Variants in CUBN observed in about 807,000 individuals in gnomAD.
CUBN encodes the protein 460 kDa receptor.
In CUBN, 282 loss-of-function variants were observed where a neutral mutation model predicts 405.3. That is an observed-to-expected ratio of 0.70 (90% CI 0.63 to 0.77). The LOEUF (loss-of-function observed/expected upper bound fraction) is 0.77, where lower values mean the gene tolerates loss of function less well. Among genes scored for constraint, CUBN ranks in the 30% least tolerant of loss-of-function variants. The pLI, the probability that CUBN is intolerant of heterozygous loss-of-function variation, is 0.00. For synonymous variants in CUBN, 1,684 were observed against 1,617.0 expected (o/e 1.04, Z -0.99); for missense variants, 4,514 against 4,475.2 (o/e 1.01, Z -0.25).
At position 17,053,791 on chromosome 10, in the gene CUBN, A is replaced by G. The variant is rs1045092358; in HGVS notation, c.3140-6188T>C. 9.2e-5 allele frequency among the ~76,000 whole-genome samples: 14 copies of G among 152,258 alleles called. 1 individual carries two copies. The highest frequency in any genetic ancestry group is 3.4e-3 in the Middle Eastern group (1 of 294). On this transcript the variant is annotated intron_variant, in intron 22 of 66. Coordinates refer to ENST00000377833, the MANE Select transcript of CUBN (RefSeq NM_001081.4). ...ACAGTTTTTCAAGCATACATGAAAC[A>G]TTCAGCAGCATAGACCACATGCAGG...
At chr10:16,901,511 C>A in intron 51 of CUBN, 52 bp from the exon 52 acceptor site, 1 of 1,607,594 alleles carries the variant, frequency 6.2e-7, no homozygotes, top group South Asian at 1.1e-5. Flanking sequence ...AAAAAAGAAC[C>A]GATAATGCCA....
rs188225179 is a variant in CUBN, at chr10:16,833,164, C to T, written c.10363-1747G>A. 1.9e-3 allele frequency among the ~76,000 whole-genome samples: 294 copies of T among 152,308 alleles called. 1 individual carries two copies. The highest frequency in any genetic ancestry group is 2.5e-3 in the Admixed American group (39 of 15,304). ...TGGAGTGAGTTAAGAGTTAGTTGCA[C>T]TGTGACTCCAACCTAACGGGATTAT... is the stretch of plus-strand genomic sequence containing the variant. On this transcript the variant is annotated intron_variant, in intron 64 of 66. Coordinates refer to ENST00000377833, the MANE Select transcript of CUBN (RefSeq NM_001081.4).
intron 27 of CUBN, among the ~76,000 whole-genome samples, chr10:17,026,505 C>T (rs1036012631): frequency 2.6e-5 from 4 of 151,980 alleles, no homozygotes; most frequent in Non-Finnish European, 5.9e-5. Context: ...TGGTGGCGTA[C>T]GCCTGTAGTC....
At chr10:17,010,727 T>C (rs1388735097) in intron 28 of CUBN, among the ~76,000 whole-genome samples, 1 of 152,204 alleles carries the variant, frequency 6.6e-6, no homozygotes, top group Non-Finnish European at 1.5e-5. Context: ...TCACAACTCA[T>C]TTACTTTGGG....
chr10:16,879,784 A>G (rs1840615581), intron 56 of CUBN, among the ~76,000 whole-genome samples: 2 of 152,212 alleles, frequency 1.3e-5, no homozygotes, highest in Admixed American at 1.3e-4. Flanking sequence ...GCCAATTTCC[A>G]TCGTATAAAT....
In CUBN at chr10:16,841,102, T is replaced by C. The variant is rs893429695; in HGVS notation, c.9664-55A>G. On this transcript the variant is annotated intron_variant, in intron 60 of 66. Coordinates refer to ENST00000377833, the MANE Select transcript of CUBN (RefSeq NM_001081.4). Reference sequence around the variant, plus strand: ...CATTACTTACAAAAAATTGCATATTTCACACTAAATTGGACGCGAAGTTGC... The same window carrying C: ...CATTACTTACAAAAAATTGCATATTCCACACTAAATTGGACGCGAAGTTGC... The C allele has an allele frequency of 9.0e-6, 14 of 1,553,216 alleles. No homozygotes were observed. The African/African-American group carries it at 1.8e-4, about 20-fold the overall frequency.
intron 59 of CUBN, among the ~76,000 whole-genome samples, chr10:16,862,814 GTTT>G (rs1193972095): frequency 6.6e-6 from 1 of 152,132 alleles, no homozygotes; most frequent in Non-Finnish European, 1.5e-5. Flanking sequence ...CGCGTCTTGT[GTTT>G]TAGATTACAC....
At chr10:16,879,861 G>A (rs959155335) in intron 56 of CUBN, among the ~76,000 whole-genome samples, 1 of 152,154 alleles carries the variant, frequency 6.6e-6, no homozygotes, top group Non-Finnish European at 1.5e-5. Context: ...GAATAGATGA[G>A]CAAAATTGAC....
At chr10:16,982,323 T>TA (rs1434010454) in intron 31 of CUBN, among the ~76,000 whole-genome samples, 161 bp downstream of exon 31, 4 of 152,218 alleles carry the variant, frequency 2.6e-5, no homozygotes, top group Non-Finnish European at 5.9e-5. Context: ...TGTTTTTAGG[T>TA]AAAAAATAAA....
chr10:17,068,286 G>C lies in CUBN; in HGVS notation c.2792-6C>G, dbSNP rs185269080. ...TGTAAGAATTTCTCCACATGCTGTT[G>C]AAATAAAAATTATAATTACTGCAGC... On this transcript the variant is annotated splice_polypyrimidine_tract_variant and splice_region_variant and intron_variant, in intron 20 of 66. Coordinates refer to ENST00000377833, the MANE Select transcript of CUBN (RefSeq NM_001081.4). The C allele has an allele frequency of 2.1e-4, 340 of 1,613,114 alleles. 2 individuals carry two copies. In the African/African-American group the frequency reaches 3.7e-3, roughly 17 times the overall value.
At chr10:16,930,074 C>A (rs1459389587) in intron 40 of CUBN, among the ~76,000 whole-genome samples, 1 of 152,180 alleles carries the variant, frequency 6.6e-6, no homozygotes, top group African/African-American at 2.4e-5. Context: ...AAAACCTCAA[C>A]ATATAGATTG....
intron 43 of CUBN, among the ~76,000 whole-genome samples, chr10:16,924,874 T>C (rs1842136863): frequency 6.6e-6 from 1 of 152,194 alleles, no homozygotes; most frequent in Admixed American, 6.6e-5. Context: ...ATGTAAGTCT[T>C]ATAATGTTTC....
At chr10:17,057,993 G>A (rs1190141126) in intron 22 of CUBN, among the ~76,000 whole-genome samples, 2 of 151,856 alleles carry the variant, frequency 1.3e-5, no homozygotes, top group African/African-American at 2.4e-5. Context: ...ATGGTGGCGC[G>A]CACCTGTAAT....
chr10:17,069,907 CT>C (rs1564502709), intron 19 of CUBN, among the ~76,000 whole-genome samples: 1 of 151,868 alleles, frequency 6.6e-6, no homozygotes, highest in Non-Finnish European at 1.5e-5. Context: ...TTTCTTTTTT[CT>C]TTTTTTGTTT....
intron 56 of CUBN, among the ~76,000 whole-genome samples, chr10:16,879,652 G>T (rs1484212275): frequency 6.6e-6 from 1 of 152,142 alleles, no homozygotes; most frequent in Non-Finnish European, 1.5e-5. Flanking sequence ...GTGGGTGTGT[G>T]ACCCAATCCA....
At chr10:16,949,369 G>C (rs1354664830) in intron 34 of CUBN, among the ~76,000 whole-genome samples, 1 of 152,040 alleles carries the variant, frequency 6.6e-6, no homozygotes, top group South Asian at 2.1e-4. Context: ...TTCTAGTGCA[G>C]GATGAGAAGT....
In CUBN at chr10:17,093,509, T is replaced by A. The variant is rs12246916; in HGVS notation, c.1766-5164A>T. Among the ~76,000 whole-genome samples the A allele has an allele frequency of 4.1e-3, 629 of 152,222 alleles. 8 individuals carry two copies. Among genetic ancestry groups the A allele is most frequent in the African/African-American group, 0.014 (586 of 41,530 alleles). On this transcript the variant is annotated intron_variant, in intron 14 of 66. Coordinates refer to ENST00000377833, the MANE Select transcript of CUBN (RefSeq NM_001081.4). ...TGGAAAATTTGAAATAGGTCCCCTG[T>A]AAATTCAAGCCTTGATTGAATGAAA...
intron 15 of CUBN, among the ~76,000 whole-genome samples, chr10:17,086,419 C>T (rs1836110709): frequency 6.6e-6 from 1 of 151,990 alleles, no homozygotes; most frequent in Admixed American, 6.6e-5. Context: ...AGAAGGAACA[C>T]CATTGATGCC....
chr10:16,894,912 A>G (rs541265404), intron 54 of CUBN, among the ~76,000 whole-genome samples: 2 of 152,026 alleles, frequency 1.3e-5, no homozygotes, highest in African/African-American at 4.8e-5. Context: ...TTTGGGGCTT[A>G]CTTGGCAATG....
Sources: gnomAD v4.1 joint callset for allele counts (sites outside exome capture counted in the v4.1 genomes callset) on GRCh38, gnomAD v4.1.1 for gene constraint, MANE v1.5 for transcripts, NCBI Gene and HGNC (gene_info 2026-07-23, HGNC 2026-07-21) for gene names.